Variants in USP7 observed in about 807,000 individuals in gnomAD.
The protein encoded by USP7 is ubiquitin specific peptidase 7.
A neutral mutation model predicts 162.9 loss-of-function variants in USP7; 9 were observed. The observed-to-expected ratio is 0.06, with a 90% confidence interval of 0.03 to 0.10. The LOEUF (loss-of-function observed/expected upper bound fraction) is 0.10, where lower values mean the gene tolerates loss of function less well. Among genes scored for constraint, USP7 ranks in the 10% least tolerant of loss-of-function variants. USP7 has a pLI of 1.00. For synonymous variants in USP7, 562 were observed against 475.9 expected, an observed-to-expected ratio of 1.18 and a Z score of -2.35; for missense variants, 715 against 1,373.7, an observed-to-expected ratio of 0.52 and a Z score of 7.58.
intron 3 of USP7, among the ~76,000 whole-genome samples, chr16:8,922,765 TACATGA>T (rs1897769326): frequency 6.6e-6 from 1 of 152,272 alleles, no homozygotes; most frequent in Admixed American, 6.5e-5. Flanking sequence ...TTTCATAATA[TACATGA>T]ATGTTTAAAT....
At chr16:8,941,743 G>A (rs1238992762) in intron 1 of USP7, among the ~76,000 whole-genome samples, 2 of 152,180 alleles carry the variant, frequency 1.3e-5, no homozygotes, top group Non-Finnish European at 2.9e-5. Context: ...GGTGCGTGCT[G>A]TGAAGTCAGG....
In USP7 at chr16:8,951,487, GC is replaced by G. The variant is rs555660848; in HGVS notation, c.79+11719del. Among the ~76,000 whole-genome samples, 211 of 152,266 alleles carry G rather than the reference GC, an allele frequency of 1.4e-3. 2 individuals carry two copies. Among genetic ancestry groups the G allele is most frequent in the African/African-American group, 4.8e-3 (200 of 41,556 alleles). On this transcript the variant is annotated intron_variant, in intron 1 of 30. Transcript: ENST00000344836. Reference sequence around the variant, plus strand: ...GGCTCACCCACCTCGCCCTGAGCCAGCCGGATTCATGTGATGAGCTCTGCAG... The same window carrying G: ...GGCTCACCCACCTCGCCCTGAGCCAGCGGATTCATGTGATGAGCTCTGCAG...
intron 1 of USP7, among the ~76,000 whole-genome samples, chr16:8,958,707 C>G (rs999712405): frequency 6.6e-6 from 1 of 152,244 alleles, no homozygotes; most frequent in African/African-American, 2.4e-5. Context: ...ACACTCATCG[C>G]AGGGAGCTCT....
At chr16:8,952,958 TCCC>T (rs1899626251) in intron 1 of USP7, among the ~76,000 whole-genome samples, 1 of 152,042 alleles carries the variant, frequency 6.6e-6, no homozygotes, top group African/African-American at 2.4e-5. Flanking sequence ...TGCCTCGGCC[TCCC>T]AAGTAGCTGG....
rs1900097238 is a variant in USP7 at position 8,963,312 on chromosome 16, CGGCCGGG to C, written c.-34_-28del. 1 of 1,027,902 alleles carries C rather than the reference CGGCCGGG, an allele frequency of 9.7e-7. No individual in the cohort carries two copies. Among genetic ancestry groups the C allele is most frequent in the Non-Finnish European group, 1.2e-6 (1 of 832,770 alleles). The allele number at this position is 1,027,902 out of a possible 1,614,324, so 63.7% of individuals were successfully genotyped here. A position where few individuals can be genotyped will look rare whatever the true frequency, so the allele number is the denominator to read the frequency against. ...TCGGCCGCGGCCTGGGCCTCGCCTG[CGGCCGGG>C]GGCCGGGGCTGCGAGCCCGGCGGGC... On this transcript the variant is annotated 5_prime_UTR_variant, in exon 1 of 31. Transcript: ENST00000344836.
intron 1 of USP7, among the ~76,000 whole-genome samples, chr16:8,934,578 G>C (rs1476236752): frequency 6.6e-6 from 1 of 152,238 alleles, no homozygotes; most frequent in Admixed American, 6.5e-5. Flanking sequence ...TGTGAAGTTA[G>C]GGCTTCTCTG....
chr16:8,938,047 G>A (rs1898848335), intron 1 of USP7, among the ~76,000 whole-genome samples: 1 of 152,120 alleles, frequency 6.6e-6, no homozygotes, highest in Admixed American at 6.6e-5. Flanking sequence ...GTAAGGCAGG[G>A]CAGAATATCC....
At position 8,895,650 on chromosome 16, in the gene USP7, G is replaced by T. The variant is rs750769477; in HGVS notation, c.2911C>A (p.Arg971=). 9 of 1,612,480 alleles carry T rather than the reference G, an allele frequency of 5.6e-6. No homozygotes were observed. The South Asian group carries it at 9.9e-5, about 18-fold the overall frequency. ...GTATCGGGGACAGATACCTCTATTC[G>T]AAACGTCCGGCTCGTTGCAGGAGAT... ...CLSPATSRTF[R]IEEIPLDQVD... The change falls in exon 27 of 31, where the codon CGA becomes AGA. Residue 971 remains arginine (R), a synonymous_variant. Transcript: ENST00000344836.
At chr16:8,961,504 A>AAGGG (rs558975663) in intron 1 of USP7, among the ~76,000 whole-genome samples, 1 of 60,566 alleles carries the variant, frequency 1.7e-5, no homozygotes, top group Non-Finnish European at 3.1e-5. Context: ...AAAAAAAAAA[A>AAGGG]GGGGGGGGGG....
intron 1 of USP7, among the ~76,000 whole-genome samples, chr16:8,960,508 C>T (rs1214577528): frequency 2.6e-5 from 4 of 152,192 alleles, no homozygotes; most frequent in African/African-American, 9.6e-5. Context: ...GAAACAGTCT[C>T]CCAGGCTCCT....
intron 6 of USP7, among the ~76,000 whole-genome samples, chr16:8,918,640 C>T (rs1419230246): frequency 1.3e-5 from 2 of 152,052 alleles, no homozygotes; most frequent in Non-Finnish European, 2.9e-5. Context: ...TGAAACCCCG[C>T]CTCTACTAAA....
At chr16:8,940,434 G>A (rs1898985710) in intron 1 of USP7, among the ~76,000 whole-genome samples, 1 of 152,204 alleles carries the variant, frequency 6.6e-6, no homozygotes, top group Non-Finnish European at 1.5e-5. Flanking sequence ...GGCAGAAGGT[G>A]TACTAGGAAT....
chr16:8,947,261 A>G (rs1055596170), intron 1 of USP7, among the ~76,000 whole-genome samples: 24 of 152,202 alleles, frequency 1.6e-4, no homozygotes, highest in African/African-American at 5.1e-4. Flanking sequence ...TTGGAAAATA[A>G]TTATTTTTTA....
chr16:8,949,797 C>G (rs1899466137), intron 1 of USP7: 1 of 152,254 alleles, frequency 6.6e-6, no homozygotes, highest in Non-Finnish European at 1.5e-5. Flanking sequence ...CCCTCCAAGC[C>G]CCCAGGGCCT....
chr16:8,963,315 C>A lies in USP7; in HGVS notation c.-30G>T, dbSNP rs1177575485. On this transcript the variant is annotated 5_prime_UTR_variant, in exon 1 of 31. Transcript: ENST00000344836. ...GCCGCGGCCTGGGCCTCGCCTGCGG[C>A]CGGGGGCCGGGGCTGCGAGCCCGGC... 3.0e-6 allele frequency: 3 copies of A among 988,192 alleles called. No homozygotes were observed. The highest frequency in any genetic ancestry group is 6.9e-5 in the South Asian group (2 of 29,144). The allele number at this position is 988,192 out of a possible 1,614,324, so 61.2% of individuals were successfully genotyped here. A position where few individuals can be genotyped will look rare whatever the true frequency, so the allele number is the denominator to read the frequency against.
chr16:8,961,780 A>G (rs1194255097), intron 1 of USP7, among the ~76,000 whole-genome samples: 1 of 152,172 alleles, frequency 6.6e-6, no homozygotes, highest in Non-Finnish European at 1.5e-5. Flanking sequence ...GGAATACACA[A>G]AATTCCCTCA....
chr16:8,926,215 C>T (rs993059643), intron 2 of USP7, among the ~76,000 whole-genome samples: 13 of 151,768 alleles, frequency 8.6e-5, no homozygotes, highest in African/African-American at 1.4e-4. Context: ...CGGTGGTTCG[C>T]GCCTGTAATC....
intron 1 of USP7, among the ~76,000 whole-genome samples, chr16:8,941,883 C>A (rs1367488490): frequency 6.6e-6 from 1 of 152,194 alleles, no homozygotes; most frequent in Non-Finnish European, 1.5e-5. Context: ...TCCTGGTGCT[C>A]ACTAGGAAGT....
At position 8,947,455 on chromosome 16, in the gene USP7, T is replaced by C. The variant is rs1899338961; in HGVS notation, c.79+15752A>G. ...CCTCCACCTCCCAGGTTCAAGCAAC[T>C]ATCCCACATCAGCCTCCTGATTAGC... On this transcript the variant is annotated intron_variant, in intron 1 of 30. Transcript: ENST00000344836. Among the ~76,000 whole-genome samples, 3 of 151,918 alleles carry C rather than the reference T, an allele frequency of 2.0e-5. No individual in the cohort carries two copies. The South Asian group carries it at 6.2e-4, about 32-fold the overall frequency.
Sources: gnomAD v4.1 joint callset for allele counts (sites outside exome capture counted in the v4.1 genomes callset) on GRCh38, gnomAD v4.1.1 for gene constraint, MANE v1.5 for transcripts, NCBI Gene and HGNC (gene_info 2026-07-23, HGNC 2026-07-21) for gene names.